The following PRKCZ variants were observed in gnomAD, a reference collection of about 807,000 sequenced individuals.
PRKCZ encodes protein kinase C zeta type.
Under a neutral mutation model 79.5 loss-of-function variants are expected in PRKCZ, and 33 were observed. The ratio of observed to expected loss-of-function variants is 0.41; its 90% CI spans 0.31 to 0.55. The LOEUF is 0.55. Among genes scored for constraint, PRKCZ ranks in the 20% least tolerant of loss-of-function variants. PRKCZ has a pLI of 0.19. For missense variants in PRKCZ, 578 were observed against 813.5 expected (o/e 0.71, Z 3.52); for synonymous variants, 342 against 320.9 (o/e 1.07, Z -0.70).
At chr1:2,053,253 A>G (rs3121826) in intron 1 of PRKCZ, among the ~76,000 whole-genome samples, 98,844 of 151,850 alleles carry the variant, frequency 0.65, 32,382 homozygotes, top group Middle Eastern at 0.68. Flanking sequence ...GACGCCCGCC[A>G]CCACGCCCGG....
intron 4 of PRKCZ, among the ~76,000 whole-genome samples, chr1:2,064,587 A>C (rs1660968167): frequency 6.6e-6 from 1 of 152,156 alleles, no homozygotes; most frequent in Non-Finnish European, 1.5e-5. Flanking sequence ...TTGCATGTGG[A>C]GGTCCAGTTT....
At chr1:2,096,859 G>A (rs564243302) in intron 4 of PRKCZ, among the ~76,000 whole-genome samples, 64 of 152,286 alleles carry the variant, frequency 4.2e-4, no homozygotes, top group African/African-American at 1.5e-3. Flanking sequence ...TTGCCATGAG[G>A]CACCCTGGGG....
chr1:2,169,610 T>C lies in PRKCZ; in HGVS notation c.1061+6T>C, dbSNP rs1684018492. 1 of 1,358,060 alleles carries C rather than the reference T, an allele frequency of 7.4e-7. No individual in the cohort carries two copies. Among genetic ancestry groups the C allele is most frequent in the Admixed American group, 2.4e-5 (1 of 42,498 alleles). 84.1% of individuals were successfully genotyped at this position (1,358,060 alleles called of 1,614,324 possible). A position where few individuals can be genotyped will look rare whatever the true frequency, so the allele number is the denominator to read the frequency against. The stretch of plus-strand genomic sequence containing the variant: ...CTCCCTGAGGAGCACGCCAGGTGGG[T>C]GCGCGTGGACGGGGCCGGGTGGGTG... On this transcript the variant is annotated splice_donor_region_variant and intron_variant, in intron 11 of 17. Coordinates refer to ENST00000378567, the MANE Select transcript of PRKCZ (RefSeq NM_002744.6).
In PRKCZ at chr1:2,168,873, A is replaced by G. The variant is rs1425594778; in HGVS notation, c.975-645A>G. ...AATTTTGAAAATTGAGTCTCATGAA[A>G]TGTAGGAAAAGATCTTATTAGGAAG... On this transcript the variant is annotated intron_variant, in intron 10 of 17. Coordinates refer to ENST00000378567, the MANE Select transcript of PRKCZ (RefSeq NM_002744.6). The surrounding 1 kb of genome is among the most constrained non-coding windows in gnomAD (Gnocchi z 4.7). The G allele has an allele frequency of 9.2e-6, 2 of 217,720 alleles. No individual in the cohort carries two copies. Among genetic ancestry groups the G allele is most frequent in the African/African-American group, 4.6e-5 (2 of 43,704 alleles). The allele number at this position is 217,720 out of a possible 1,614,324, so 13.5% of individuals were successfully genotyped here. A position where few individuals can be genotyped will look rare whatever the true frequency, so the allele number is the denominator to read the frequency against.
At chr1:2,130,543 C>G (rs956366531) in intron 4 of PRKCZ, among the ~76,000 whole-genome samples, 9 of 152,180 alleles carry the variant, frequency 5.9e-5, no homozygotes, top group African/African-American at 1.9e-4. Context: ...ATAGAAAGAT[C>G]TATTGTAAGG....
chr1:2,113,398 G>A (rs949061991), intron 4 of PRKCZ, among the ~76,000 whole-genome samples: 4 of 152,116 alleles, frequency 2.6e-5, no homozygotes, highest in Non-Finnish European at 4.4e-5. Context: ...TGGGCTTTGA[G>A]GGGGGCTCAT....
Position 2,135,337 on chromosome 1 carries a change from G to C in PRKCZ, c.410G>C (p.Arg137Pro). The C allele has an allele frequency of 6.2e-7, 1 of 1,612,014 alleles. No homozygotes were observed. Among genetic ancestry groups the C allele is most frequent in the Non-Finnish European group, 8.5e-7 (1 of 1,178,892 alleles). The change falls in exon 5 of 18, where the codon CGC (arginine) becomes CCC (proline). Residue 137 changes from arginine (R) to proline (P), a missense_variant. Around this residue, in one of 4 missense-constraint regions of PRKCZ, gnomAD observed 228 missense variants for 211.6 expected, o/e 1.08. Coordinates refer to ENST00000378567, the MANE Select transcript of PRKCZ (RefSeq NM_002744.6). ...AACGGCCACCTCTTCCAAGCCAAGC[G>C]CTTTAACAGGGTGAGTGGCCCCCTT... ...RANGHLFQAK[R>P]FNRRAYCGQC...
At chr1:2,060,671 C>T (rs1016093371) in intron 4 of PRKCZ, among the ~76,000 whole-genome samples, 3 of 152,226 alleles carry the variant, frequency 2.0e-5, no homozygotes, top group Non-Finnish European at 4.4e-5. Context: ...CCGGCAAGGC[C>T]GAGGAGCCAT....
chr1:2,097,920 G>T (rs1666800728), intron 4 of PRKCZ, among the ~76,000 whole-genome samples: 1 of 152,246 alleles, frequency 6.6e-6, no homozygotes, highest in Non-Finnish European at 1.5e-5. Flanking sequence ...AGTCCCTGCT[G>T]CTGTGTGGTT....
At chr1:2,121,664 G>C (rs1320409599) in intron 4 of PRKCZ, among the ~76,000 whole-genome samples, 16 of 136,430 alleles carry the variant, frequency 1.2e-4, no homozygotes, top group African/African-American at 4.8e-4. Context: ...TGGTGGTTAG[G>C]GTCGTGGTGG....
At position 2,066,425 on chromosome 1, in the gene PRKCZ, C is replaced by T. The variant is rs187540042; in HGVS notation, c.334+6834C>T. Among the ~76,000 whole-genome samples, 4 of 152,330 alleles carry T rather than the reference C, an allele frequency of 2.6e-5. No individual in the cohort carries two copies. In the East Asian group the frequency reaches 7.7e-4, roughly 29 times the overall value. ...TGGCTCGATCTCAGCTCATGTCAAC[C>T]TCTGCCTCCTGGGTTCAAGTGATTC... is the stretch of plus-strand genomic sequence containing the variant. On this transcript the variant is annotated intron_variant, in intron 4 of 17. Transcript: ENST00000378567.
In PRKCZ at chr1:2,172,271, A is replaced by T. The variant is rs1557735345; in HGVS notation, c.1198-30A>T. The T allele has an allele frequency of 2.5e-6, 4 of 1,613,452 alleles. No homozygotes were observed. The East Asian group carries it at 8.9e-5, about 36-fold the overall frequency. On this transcript the variant is annotated intron_variant, in intron 12 of 17. Transcript: ENST00000378567. This position sits in a 1 kb window ranked among gnomAD's most constrained non-coding sequence, Gnocchi z 7.8. ...TGTCCCGCGGGGTAGTGTCTACAAG[A>T]ACCCTCTCCCAGTAACTTTGCCCCC... is the stretch of plus-strand genomic sequence containing the variant.
chr1:2,054,701 G>A (rs535059506), intron 1 of PRKCZ, among the ~76,000 whole-genome samples: 2 of 152,066 alleles, frequency 1.3e-5, no homozygotes, highest in Non-Finnish European at 2.9e-5. Flanking sequence ...TGGCACCGTC[G>A]AGGTCTGGGG....
At chr1:2,102,543 G>C (rs11583884) in intron 4 of PRKCZ, among the ~76,000 whole-genome samples, 1 of 151,826 alleles carries the variant, frequency 6.6e-6, no homozygotes, top group Non-Finnish European at 1.5e-5. Context: ...TGTGTTAGCC[G>C]GGATGGTCTC....
At chr1:2,069,400 C>G (rs1379936330) in intron 4 of PRKCZ, among the ~76,000 whole-genome samples, 1 of 152,148 alleles carries the variant, frequency 6.6e-6, no homozygotes, top group Non-Finnish European at 1.5e-5. Flanking sequence ...GAGTGGGTGT[C>G]CAGAAAGTTC....
chr1:2,101,891 G>T (rs1281377110), intron 4 of PRKCZ, among the ~76,000 whole-genome samples: 1 of 152,212 alleles, frequency 6.6e-6, no homozygotes, highest in East Asian at 1.9e-4. Context: ...GATACAGCGG[G>T]CGTGGTGGAT....
chr1:2,057,700 C>T (rs921431609), intron 3 of PRKCZ, among the ~76,000 whole-genome samples: 30 of 151,140 alleles, frequency 2.0e-4, no homozygotes, highest in African/African-American at 7.1e-4. Context: ...ACCCCCCCCT[C>T]TCCAAAACTT....
At chr1:2,160,917 C>G (rs538288809) in intron 10 of PRKCZ, among the ~76,000 whole-genome samples, 1 of 152,098 alleles carries the variant, frequency 6.6e-6, no homozygotes, top group African/African-American at 2.4e-5. Context: ...GGGTCTGACC[C>G]TGGGGTGCTG....
intron 4 of PRKCZ, chr1:2,071,390 G>A (rs745817104): frequency 4.6e-6 from 2 of 434,158 alleles, no homozygotes; most frequent in Non-Finnish European, 4.6e-6. Context: ...GTGGGGCTGC[G>A]CGACCGCCTG....
Sources: gnomAD v4.1 joint callset for allele counts (sites outside exome capture counted in the v4.1 genomes callset) on GRCh38, gnomAD v4.1.1 for gene constraint, gnomAD v4.1.1 regional missense constraint, Gnocchi (gnomAD v3.1) non-coding constraint, MANE v1.5 for transcripts, NCBI Gene and HGNC (gene_info 2026-07-23, HGNC 2026-07-21) for gene names.